CROCC: variants seen among roughly 807,000 people sequenced by gnomAD.
The protein encoded by CROCC is rootletin.
CROCC carries 180 observed loss-of-function variants against 245.2 expected under a neutral mutation model. The observed-to-expected ratio is 0.73, with a 90% CI of 0.65 to 0.83. CROCC has a LOEUF of 0.83. CROCC is among the 40% of genes least tolerant of loss of function. CROCC has a pLI of 0.00. For synonymous variants in CROCC, 1,205 were observed against 1,241.6 expected (o/e 0.97, Z 0.62); for missense variants, 2,688 against 2,779.4 (o/e 0.97, Z 0.74).
chr1:16,920,806 C>G (rs538214680), upstream of CROCC, among the ~76,000 whole-genome samples: 2 of 150,246 alleles, frequency 1.3e-5, no homozygotes, highest in Non-Finnish European at 3.0e-5. Flanking sequence ...TGCAATGGCG[C>G]GATCTTGGCT....
At chr1:16,922,457 G>A (rs180827622) in intron 1 of CROCC, among the ~76,000 whole-genome samples, 15 of 152,380 alleles carry the variant, frequency 9.8e-5, no homozygotes, top group Non-Finnish European at 1.8e-4. Flanking sequence ...TCTCATCTCT[G>A]GCCCTGGGCC....
intron 13 of CROCC, 56 bp downstream of exon 13, chr1:16,940,149 A>C: frequency 6.5e-7 from 1 of 1,535,402 alleles, no homozygotes; most frequent in South Asian, 1.2e-5. Flanking sequence ...GTCTGGGCAT[A>C]ACACCAGTCA....
chr1:16,946,694 G>T, intron 16 of CROCC, 67 bp from the exon 17 acceptor site: 1 of 1,469,832 alleles, frequency 6.8e-7, no homozygotes, highest in Non-Finnish European at 9.3e-7. Flanking sequence ...GTGGGTGGGT[G>T]GAGGAGGCGT....
At chr1:16,939,168 G>A in intron 12 of CROCC, 26 bp downstream of exon 12, 1 of 1,347,544 alleles carries the variant, frequency 7.4e-7, no homozygotes, top group Non-Finnish European at 9.5e-7. Flanking sequence ...AGCGTTCTGG[G>A]CGCAGCCAGA....
intron 13 of CROCC, chr1:16,940,933 C>T (rs779091949): frequency 4.8e-4 from 202 of 418,040 alleles, no homozygotes; most frequent in Non-Finnish European, 8.7e-4. Flanking sequence ...CCACTCCCTT[C>T]CTCTGTGCCC....
intron 1 of CROCC, among the ~76,000 whole-genome samples, chr1:16,914,214 G>A (rs1382006344): frequency 6.6e-6 from 1 of 152,066 alleles, no homozygotes; most frequent in South Asian, 2.1e-4. Flanking sequence ...GCGCCTGGGG[G>A]CGGGCTGGAG....
At chr1:16,949,791 CAG>C (rs2076127819) in intron 19 of CROCC, among the ~76,000 whole-genome samples, 1 of 152,344 alleles carries the variant, frequency 6.6e-6, no homozygotes, top group East Asian at 1.9e-4. Context: ...TGTTTTGAGA[CAG>C]AGTTTCACTC....
chr1:16,938,852 C>T (rs1557599231), intron 11 of CROCC, 57 bp from the exon 12 acceptor site: 1 of 1,538,700 alleles, frequency 6.5e-7, no homozygotes, highest in Non-Finnish European at 8.9e-7. Context: ...CTTTGCCCAG[C>T]TAACCCCGCG....
At chr1:16,933,597 T>C (rs1158760457) in intron 8 of CROCC, among the ~76,000 whole-genome samples, 2 of 152,258 alleles carry the variant, frequency 1.3e-5, no homozygotes, top group Admixed American at 6.5e-5. Flanking sequence ...GATGGAGTCT[T>C]GCTTTGTTGC....
rs775614983 is a variant in CROCC at position 16,922,026 on chromosome 1, T to G, written c.8T>G (p.Leu3Trp). ...GCCCACAGCCTCCCCCCCATGAGCT[T>G]GGGGCTGGCGGGGGCACAGGAGGTG... MS[L>W]GLAGAQEVEL... Residue 3 changes from leucine (L) to tryptophan (W), a missense_variant, in exon 1 of 37, where the codon TTG (leucine) becomes TGG (tryptophan). Physicochemically the swap from Leu to Trp is moderately conservative, Grantham distance 61. Coordinates refer to ENST00000375541, the MANE Select transcript of CROCC (RefSeq NM_014675.5). The G allele has an allele frequency of 2.6e-6, 4 of 1,551,496 alleles. No individual in the cohort carries two copies. Among genetic ancestry groups the G allele is most frequent in the Non-Finnish European group, 3.5e-6 (4 of 1,147,046 alleles).
intron 26 of CROCC, among the ~76,000 whole-genome samples, chr1:16,960,299 C>A (rs1392204179): frequency 2.6e-5 from 4 of 151,760 alleles, no homozygotes; most frequent in East Asian, 1.9e-4. Context: ...ACAAAAACAA[C>A]AAAAAAAACA....
At chr1:16,928,441 G>T (rs1424139323) in intron 3 of CROCC, among the ~76,000 whole-genome samples, 4 of 152,252 alleles carry the variant, frequency 2.6e-5, no homozygotes, top group African/African-American at 9.6e-5. Context: ...GCTTCCTGGG[G>T]GTGGAGGAAG....
chr1:16,942,443 C>G (rs1193004370), intron 13 of CROCC, among the ~76,000 whole-genome samples: 1 of 152,294 alleles, frequency 6.6e-6, no homozygotes, highest in Non-Finnish European at 1.5e-5. Flanking sequence ...CGCCTTCTCA[C>G]AGCCTCATCT....
intron 20 of CROCC, among the ~76,000 whole-genome samples, chr1:16,952,123 G>T (rs549402538): frequency 6.6e-6 from 1 of 151,062 alleles, no homozygotes; most frequent in African/African-American, 2.4e-5. Context: ...TTTTGACCTC[G>T]TAATCTGCCC....
At position 16,939,931 on chromosome 1, in the gene CROCC, T is replaced by A. The variant is rs1395160249; in HGVS notation, c.1646T>A (p.Leu549Gln). The A allele has an allele frequency of 6.2e-7, 1 of 1,612,704 alleles. No individual in the cohort carries two copies. The highest frequency in any genetic ancestry group is 2.2e-5 in the East Asian group (1 of 44,892). ...RGRYEASQDL[L>Q]GTLRKQLSDS... ...CGCTATGAGGCAAGCCAGGACCTAC[T>A]GGGCACCCTGCGGAAGCAGCTTAGC... is the stretch of plus-strand genomic sequence containing the variant. Residue 549 changes from leucine to glutamine, a missense_variant, in exon 13 of 37, where the codon CTG becomes CAG. Physicochemically the swap from Leu to Gln is moderately radical, Grantham distance 113 (BLOSUM62 -2). Around this residue, in one of 9 missense-constraint regions of CROCC, gnomAD observed 972 missense variants for 895.3 expected, o/e 1.09. Transcript: ENST00000375541.
upstream of CROCC, among the ~76,000 whole-genome samples, chr1:16,917,205 G>A (rs1410661417): frequency 6.6e-6 from 1 of 152,302 alleles, no homozygotes; most frequent in Non-Finnish European, 1.5e-5. Context: ...GTGGCTGGGT[G>A]CATTGGAGCC....
upstream of CROCC, among the ~76,000 whole-genome samples, chr1:16,921,426 T>C (rs543191045): frequency 4.0e-4 from 61 of 152,406 alleles, no homozygotes; most frequent in Admixed American, 1.2e-3. Context: ...GGACCGCTCA[T>C]GCCCAACTAA....
chr1:16,940,865 TG>T, intron 13 of CROCC: 1 of 413,816 alleles, frequency 2.4e-6, no homozygotes, highest in Non-Finnish European at 4.8e-6. Context: ...TGCCCCTAGT[TG>T]GGGGCCTGGG....
chr1:16,922,093 C>A lies in CROCC; in HGVS notation c.60+15C>A. The A allele has an allele frequency of 6.5e-7, 1 of 1,538,230 alleles. No homozygotes were observed. The highest frequency in any genetic ancestry group is 1.2e-5 in the South Asian group (1 of 81,854). ...CGGTTATCCAGGTGGGTCCTGGGGG[C>A]TGTGCCCACCCTGTCTGGGGCGGGG... is the stretch of plus-strand genomic sequence containing the variant. On this transcript the variant is annotated intron_variant, in intron 1 of 36. Coordinates refer to ENST00000375541, the MANE Select transcript of CROCC (RefSeq NM_014675.5).
Sources: gnomAD v4.1 joint callset for allele counts (sites outside exome capture counted in the v4.1 genomes callset) on GRCh38, gnomAD v4.1.1 for gene constraint, gnomAD v4.1.1 regional missense constraint, MANE v1.5 for transcripts, NCBI Gene and HGNC (gene_info 2026-07-23, HGNC 2026-07-21) for gene names.